Variants in CLSTN3 observed in about 807,000 individuals in gnomAD.
CLSTN3 encodes calsyntenin-3.
Under a neutral mutation model 95.9 loss-of-function variants are expected in CLSTN3, and 36 were observed. That is an observed-to-expected ratio of 0.38 (90% CI 0.29 to 0.50). The LOEUF is 0.50. Ranked by LOEUF, CLSTN3 falls within the 20% of genes least tolerant of loss-of-function variation. The pLI, the probability that CLSTN3 is intolerant of heterozygous loss-of-function variation, is 0.95. For missense variants in CLSTN3, 1,084 were observed against 1,268.8 expected (o/e 0.85, Z 2.21); for synonymous variants, 481 against 504.0 (o/e 0.95, Z 0.61).
In CLSTN3 at chr12:7,158,228, G is replaced by A. The variant is rs1939857614; in HGVS notation, c.*147G>A. The A allele has an allele frequency of 6.8e-6, 7 of 1,032,532 alleles. No individual in the cohort carries two copies. Among genetic ancestry groups the A allele is most frequent in the Admixed American group, 6.3e-5 (2 of 31,776 alleles). 64.0% of individuals were successfully genotyped at this position (1,032,532 alleles called of 1,614,324 possible). A position where few individuals can be genotyped will look rare whatever the true frequency, so the allele number is the denominator to read the frequency against. On this transcript the variant is annotated 3_prime_UTR_variant, in exon 18 of 18. Transcript: ENST00000266546. ...CCTCCTTTCATTTCAAAACCCCAGC[G>A]GGCCCTCTGGAGTCCGCCCTGCCCC...
chr12:7,142,495 G>A (rs2135804543), intron 10 of CLSTN3, among the ~76,000 whole-genome samples: 1 of 152,116 alleles, frequency 6.6e-6, no homozygotes, highest in Non-Finnish European at 1.5e-5. Flanking sequence ...CATGTCACTG[G>A]AAAGACGTTC....
chr12:7,136,805 T>C (rs1271778373), intron 6 of CLSTN3, 24 bp from the exon 7 acceptor site: 2 of 1,610,234 alleles, frequency 1.2e-6, no homozygotes, highest in Admixed American at 1.7e-5. Flanking sequence ...GCTCTGACAC[T>C]TGTGCCTCCT....
Position 7,142,088 on chromosome 12 carries a change from G to C in CLSTN3, c.1489G>C (p.Glu497Gln). Residue 497 changes from glutamate (E) to glutamine (Q), a missense_variant and splice_region_variant, in exon 10 of 18, where the codon GAG becomes CAG. Coordinates refer to ENST00000266546, the MANE Select transcript of CLSTN3 (RefSeq NM_014718.4). ...ALMIGACWTE[E>Q]KNKEKEKGDN... ...TTTTTTTTTTTTTTTATCCCCAGAGGAGAAGAACAAAGAGAAGGAAAAGGG... is the reference window on the plus strand; with the variant it reads ...TTTTTTTTTTTTTTTATCCCCAGAGCAGAAGAACAAAGAGAAGGAAAAGGG... 1 of 1,594,516 alleles carries C rather than the reference G, an allele frequency of 6.3e-7. No individual in the cohort carries two copies. The highest frequency in any genetic ancestry group is 8.5e-7 in the Non-Finnish European group (1 of 1,170,392).
chr12:7,154,289 A>G (rs1490965439), intron 16 of CLSTN3, among the ~76,000 whole-genome samples: 1 of 152,180 alleles, frequency 6.6e-6, no homozygotes, highest in African/African-American at 2.4e-5. Flanking sequence ...GAGAGGTACG[A>G]TCTCCTCCAG....
At chr12:7,153,404 C>T (rs1056336039) in intron 16 of CLSTN3, among the ~76,000 whole-genome samples, 5 of 152,170 alleles carry the variant, frequency 3.3e-5, no homozygotes, top group Non-Finnish European at 7.3e-5. Flanking sequence ...CTCAGCTTCC[C>T]GGAGTGCTGG....
In CLSTN3 at chr12:7,137,990, G is replaced by A. The variant is rs752305732; in HGVS notation, c.1246G>A (p.Gly416Ser). The change falls in exon 8 of 18, where the codon GGC (glycine) becomes AGC (serine). Residue 416 changes from glycine to serine, a missense_variant. By Grantham distance (56) the Gly-to-Ser change is moderately conservative. Transcript: ENST00000266546. This position sits in a 1 kb window ranked among gnomAD's most constrained non-coding sequence, Gnocchi z 4.4. ...CTCTCACTACTCGCTGACTGTCCAC[G>A]GCTGTAGGATTGCCTTCCTCTACTG... is the stretch of plus-strand genomic sequence containing the variant. ...GFSHYSLTVH[G>S]CRIAFLYWPL... 1.9e-6 allele frequency: 3 copies of A among 1,613,884 alleles called. No individual in the cohort carries two copies. Among genetic ancestry groups the A allele is most frequent in the East Asian group, 2.2e-5 (1 of 44,870 alleles).
intron 12 of CLSTN3, among the ~76,000 whole-genome samples, chr12:7,147,011 T>C (rs1033746529): frequency 6.6e-6 from 1 of 152,058 alleles, no homozygotes; most frequent in Non-Finnish European, 1.5e-5. Flanking sequence ...GATGATGCCT[T>C]CTCCCTTTTT....
rs767944006 is a variant in CLSTN3, at chr12:7,133,739, C to T, written c.354C>T (p.Pro118=). 31 of 1,591,362 alleles carry T rather than the reference C, an allele frequency of 1.9e-5. No homozygotes were observed. Among genetic ancestry groups the T allele is most frequent in the Middle Eastern group, 1.7e-4 (1 of 5,924 alleles). ...TIQAYDCGEG[P]DGANTKKSHK... The stretch of plus-strand genomic sequence containing the variant: ...AGGCCTATGACTGTGGCGAGGGCCC[C>T]GACGGGGCCAACACCAAGAAGTCCC... Residue 118 remains proline (P), a synonymous_variant, in exon 3 of 18, where the codon CCC becomes CCT. Coordinates refer to ENST00000266546, the MANE Select transcript of CLSTN3 (RefSeq NM_014718.4). The surrounding 1 kb of genome is among the most constrained non-coding windows in gnomAD (Gnocchi z 4.7).
In CLSTN3 at chr12:7,157,427, C is replaced by A; in HGVS notation, c.2528-62C>A. ...GCTGCCTCTTTTCCTACCCAGCCCC[C>A]TGTCCAAGTGCCCCCAGGTGTGCCT... On this transcript the variant is annotated intron_variant, in intron 16 of 17. Coordinates refer to ENST00000266546, the MANE Select transcript of CLSTN3 (RefSeq NM_014718.4). The surrounding 1 kb of genome is among the most constrained non-coding windows in gnomAD (Gnocchi z 5.9). 2.8e-6 allele frequency: 4 copies of A among 1,442,564 alleles called. No homozygotes were observed. The highest frequency in any genetic ancestry group is 3.7e-6 in the Non-Finnish European group (4 of 1,075,518). The allele number at this position is 1,442,564 out of a possible 1,614,324, so 89.4% of individuals were successfully genotyped here. A position where few individuals can be genotyped will look rare whatever the true frequency, so the allele number is the denominator to read the frequency against.
Position 7,154,553 on chromosome 12 carries a change from C to T in CLSTN3, c.2528-2936C>T, listed in dbSNP as rs114033189. Among the ~76,000 whole-genome samples, 714 of 152,070 alleles carry T rather than the reference C, an allele frequency of 4.7e-3. 9 individuals are homozygous for T. Among genetic ancestry groups the T allele is most frequent in the African/African-American group, 0.014 (590 of 41,454 alleles). The stretch of plus-strand genomic sequence containing the variant: ...ATAAGGTTGGTTGAGAAGAGCAAGC[C>T]GGATGATGAGGGTATTATGTATCTA... On this transcript the variant is annotated intron_variant, in intron 16 of 17. Coordinates refer to ENST00000266546, the MANE Select transcript of CLSTN3 (RefSeq NM_014718.4).
rs1230037325 is a variant in CLSTN3, at chr12:7,148,988, T to A, written c.1864T>A (p.Ser622Thr). The A allele has an allele frequency of 6.2e-7, 1 of 1,613,998 alleles. No homozygotes were observed. The highest frequency in any genetic ancestry group is 2.2e-5 in the East Asian group (1 of 44,876). ...CTTACATAGGTGCTTCAGCGAAGAG[T>A]CCTGCGTCTCCATCCCTGAAGTGGA... ...TTAVKCFSEE[S>T]CVSIPEVEGY... The change falls in exon 13 of 18, where the codon TCC becomes ACC. Residue 622 changes from serine (S) to threonine (T), a missense_variant. Coordinates refer to ENST00000266546, the MANE Select transcript of CLSTN3 (RefSeq NM_014718.4).
At chr12:7,156,816 C>T (rs150171010) in intron 16 of CLSTN3, 4,704 of 455,602 alleles carry the variant, frequency 0.01, 309 homozygotes, top group Admixed American at 0.1. Context: ...GGGAGAGCCA[C>T]GGGGGAGGCA....
At chr12:7,130,737 C>A in intron 1 of CLSTN3, 25 bp downstream of exon 1, 1 of 1,549,608 alleles carries the variant, frequency 6.5e-7, no homozygotes, top group Non-Finnish European at 8.7e-7. Context: ...GGTGGGGGTA[C>A]CGAAAGAGGG....
At position 7,150,949 on chromosome 12, in the gene CLSTN3, A is replaced by G; in HGVS notation, c.2413A>G (p.Asn805Asp). The G allele has an allele frequency of 3.1e-6, 5 of 1,609,712 alleles. No homozygotes were observed. The highest frequency in any genetic ancestry group is 4.2e-6 in the Non-Finnish European group (5 of 1,177,322). ...IVEVNVLHSMNRVAHPSHVLS... is the reference protein window; with the variant it reads ...IVEVNVLHSMDRVAHPSHVLS... ...CCAGGTCAATGTCCTGCACAGCATGAACCGGGTTGCCCACCCCAGCCACGT... is the reference window on the plus strand; with the variant it reads ...CCAGGTCAATGTCCTGCACAGCATGGACCGGGTTGCCCACCCCAGCCACGT... Residue 805 changes from asparagine (N) to aspartate (D), a missense_variant, in exon 16 of 18, where the codon AAC becomes GAC. Asn to Asp is a conservative substitution (Grantham distance 23). Transcript: ENST00000266546. The surrounding 1 kb of genome is among the most constrained non-coding windows in gnomAD (Gnocchi z 4.0).
Position 7,143,243 on chromosome 12 carries a change from G to A in CLSTN3, c.1779G>A (p.Val593=), listed in dbSNP as rs755107097. The A allele has an allele frequency of 6.8e-6, 11 of 1,613,850 alleles. No individual in the cohort carries two copies. Among genetic ancestry groups the A allele is most frequent in the Non-Finnish European group, 9.3e-6 (11 of 1,180,040 alleles). ...VETFNHALQH[V]AYMNTLRFAT... is the part of the protein sequence containing the mutation. The stretch of plus-strand genomic sequence containing the variant: ...CCTTCAACCATGCCCTGCAGCATGT[G>A]GCTTACATGAACACTCTGCGCTTTG... The change falls in exon 12 of 18, where the codon GTG becomes GTA. Residue 593 remains valine, a synonymous_variant. Coordinates refer to ENST00000266546, the MANE Select transcript of CLSTN3 (RefSeq NM_014718.4).
At position 7,149,421 on chromosome 12, in the gene CLSTN3, G is replaced by T; in HGVS notation, c.2075-102G>T. The T allele has an allele frequency of 8.8e-7, 1 of 1,136,744 alleles. No homozygotes were observed. Among genetic ancestry groups the T allele is most frequent in the South Asian group, 1.5e-5 (1 of 67,740 alleles). The allele number at this position is 1,136,744 out of a possible 1,614,324, so 70.4% of individuals were successfully genotyped here. A position where few individuals can be genotyped will look rare whatever the true frequency, so the allele number is the denominator to read the frequency against. ...AAATGATGCTGACTTCCCTCTCCCT[G>T]GCCCTGGAAAGGGAGGGAGAGTGGT... On this transcript the variant is annotated intron_variant, in intron 13 of 17. Transcript: ENST00000266546. This position sits in a 1 kb window ranked among gnomAD's most constrained non-coding sequence, Gnocchi z 4.5.
Position 7,133,172 on chromosome 12 carries a change from G to A in CLSTN3, c.187+26G>A. ...GTAATTGGGATTGGGGGATGGCAAG[G>A]CAGGGTAGGACAGAGAAAAGTGGGT... is the stretch of plus-strand genomic sequence containing the variant. On this transcript the variant is annotated intron_variant, in intron 2 of 17. Transcript: ENST00000266546. The surrounding 1 kb of genome is among the most constrained non-coding windows in gnomAD (Gnocchi z 4.7). 6.2e-7 allele frequency: 1 copy of A among 1,613,640 alleles called. No individual in the cohort carries two copies. Among genetic ancestry groups the A allele is most frequent in the Non-Finnish European group, 8.5e-7 (1 of 1,179,790 alleles).
At chr12:7,144,213 A>G (rs576201206) in intron 12 of CLSTN3, among the ~76,000 whole-genome samples, 1 of 148,504 alleles carries the variant, frequency 6.7e-6, no homozygotes, top group South Asian at 2.2e-4. Context: ...AGCCTGGGCT[A>G]CAAAGCGAGA....
intron 8 of CLSTN3, chr12:7,138,644 C>T (rs1000971956): frequency 2.0e-5 from 3 of 151,838 alleles, no homozygotes; most frequent in African/African-American, 7.3e-5. Context: ...TATTATCAGC[C>T]CTGATTATGG....
Sources: gnomAD v4.1 joint callset for allele counts (sites outside exome capture counted in the v4.1 genomes callset) on GRCh38, gnomAD v4.1.1 for gene constraint, Gnocchi (gnomAD v3.1) non-coding constraint, MANE v1.5 for transcripts, NCBI Gene and HGNC (gene_info 2026-07-23, HGNC 2026-07-21) for gene names.